The following POLE variants were observed in gnomAD, a reference collection of about 807,000 sequenced individuals.
POLE encodes DNA polymerase epsilon, catalytic subunit.
A neutral mutation model predicts 279.2 loss-of-function variants in POLE; 188 were observed. That is an observed-to-expected ratio of 0.67 (90% CI 0.60 to 0.76). POLE has a LOEUF of 0.76. POLE is among the 30% of genes least tolerant of loss of function. The pLI is 0.00. For synonymous variants in POLE, 1,214 were observed against 1,172.5 expected (o/e 1.04, Z -0.72); for missense variants, 2,703 against 3,016.7 (o/e 0.90, Z 2.44).
intron 40 of POLE, 132 bp downstream of exon 40, chr12:132,638,993 G>A: frequency 1.3e-6 from 1 of 788,412 alleles, no homozygotes; most frequent in Non-Finnish European, 2.1e-6. Context: ...CCTTTGGATT[G>A]TTATGCTCCA....
intron 29 of POLE, among the ~76,000 whole-genome samples, chr12:132,652,900 T>G (rs554371330): frequency 2.2e-4 from 33 of 152,340 alleles, no homozygotes; most frequent in African/African-American, 7.7e-4. Context: ...TTACCCTTTA[T>G]ATGAATTTTA....
rs5744742 is a variant in POLE at position 132,679,444 on chromosome 12, T to C, written c.578+53A>G. ...TGTTGCTACGTGTTCCTGTCTCCTA[T>C]CCATCTTGTCGTTCTGAACCGCTGA... On this transcript the variant is annotated intron_variant, in intron 6 of 48. Transcript: ENST00000320574. The C allele has an allele frequency of 5.5e-4, 857 of 1,548,844 alleles. 6 individuals are homozygous for C. The African/African-American group carries it at 9.0e-3, about 16-fold the overall frequency.
rs1262623373 is a variant in POLE at position 132,675,063 on chromosome 12, G to A, written c.1226+335C>T. On this transcript the variant is annotated intron_variant, in intron 12 of 48. Transcript: ENST00000320574. The surrounding 1 kb of genome is among the most constrained non-coding windows in gnomAD (Gnocchi z 4.3). ...CCCGTGAGGCTTGTCCTGTGAGGCAGCCGGGCTGCCACATCCCAACCTTGC... is the reference window on the plus strand; with the variant it reads ...CCCGTGAGGCTTGTCCTGTGAGGCAACCGGGCTGCCACATCCCAACCTTGC... 6.6e-6 allele frequency among the ~76,000 whole-genome samples: 1 copy of A among 152,216 alleles called. No individual in the cohort carries two copies. The highest frequency in any genetic ancestry group is 1.9e-4 in the East Asian group (1 of 5,192).
At chr12:132,637,372 A>G (rs2042054457) in intron 41 of POLE, among the ~76,000 whole-genome samples, 1 of 152,202 alleles carries the variant, frequency 6.6e-6, no homozygotes, top group Non-Finnish European at 1.5e-5. Flanking sequence ...CTGTGCTCAG[A>G]AAGGGCTGCA....
At chr12:132,670,234 G>C (rs1269919815) in intron 16 of POLE, among the ~76,000 whole-genome samples, 1 of 151,078 alleles carries the variant, frequency 6.6e-6, no homozygotes, top group East Asian at 2.0e-4. Flanking sequence ...AAATTACCCA[G>C]GCGTGGTGGC....
rs1060500822 is a variant in POLE at position 132,643,261 on chromosome 12, G to A, written c.4514C>T (p.Pro1505Leu). 2.5e-6 allele frequency: 4 copies of A among 1,613,768 alleles called. No individual in the cohort carries two copies. In the African/African-American group the frequency reaches 5.3e-5, roughly 22 times the overall value. ...AHKALFGIFI[P>L]SQRRASVFVL... Reference sequence around the variant, plus strand: ...AAAGACGGATGCCCTGCGCTGTGAGGGGATGAAGATCCCGAAGAGCGCTTT... The same window carrying A: ...AAAGACGGATGCCCTGCGCTGTGAGAGGATGAAGATCCCGAAGAGCGCTTT... Residue 1505 changes from proline (P) to leucine (L), a missense_variant, in exon 35 of 49, where the codon CCC becomes CTC. By Grantham distance (98) the Pro-to-Leu change is moderately conservative. Transcript: ENST00000320574.
At chr12:132,638,534 C>T (rs2042078283) in intron 40 of POLE, 1 of 168,110 alleles carries the variant, frequency 5.9e-6, no homozygotes, top group Admixed American at 5.7e-5. Context: ...ACTTTTATCC[C>T]AGCAGTTGGG....
At position 132,657,223 on chromosome 12, in the gene POLE, G is replaced by C. The variant is rs753667513; in HGVS notation, c.3495C>G (p.Asp1165Glu). The C allele has an allele frequency of 2.5e-6, 4 of 1,613,824 alleles. No homozygotes were observed. Among genetic ancestry groups the C allele is most frequent in the Non-Finnish European group, 3.4e-6 (4 of 1,179,970 alleles). Residue 1165 changes from aspartate (D) to glutamate (E), a missense_variant, in exon 29 of 49, where the codon GAC becomes GAG. By Grantham distance (45) the Asp-to-Glu change is conservative. Coordinates refer to ENST00000320574, the MANE Select transcript of POLE (RefSeq NM_006231.4). ...KNPVPRVKHP[D>E]WLHKKLLEKN... ...TCTCCAGCAGTTTTTTGTGCAGCCAGTCGGGGTGTTTGACACGTGGCACTG... is the reference window on the plus strand; with the variant it reads ...TCTCCAGCAGTTTTTTGTGCAGCCACTCGGGGTGTTTGACACGTGGCACTG...
At chr12:132,654,467 G>T (rs1023254719) in intron 29 of POLE, among the ~76,000 whole-genome samples, 1 of 152,042 alleles carries the variant, frequency 6.6e-6, no homozygotes, top group Non-Finnish European at 1.5e-5. Flanking sequence ...GATACTGTCC[G>T]TTCCATCTAT....
chr12:132,650,899 A>C, intron 29 of POLE: 1 of 112,054 alleles, frequency 8.9e-6, no homozygotes, highest in Non-Finnish European at 1.9e-5. Context: ...TTTTTGAGAC[A>C]GAATCTCACT....
chr12:132,630,674 G>A (rs541955747), intron 45 of POLE, among the ~76,000 whole-genome samples: 7 of 152,216 alleles, frequency 4.6e-5, no homozygotes, highest in Admixed American at 2.0e-4. Flanking sequence ...AGCTGAGATC[G>A]CGCCACTGCA....
At chr12:132,631,560 G>A (rs1593706030) in intron 45 of POLE, among the ~76,000 whole-genome samples, 1 of 152,192 alleles carries the variant, frequency 6.6e-6, no homozygotes, top group African/African-American at 2.4e-5. Context: ...TGTGTGAGAT[G>A]CAGTTTGCTG....
intron 45 of POLE, among the ~76,000 whole-genome samples, chr12:132,628,400 T>C (rs1287321606): frequency 1.3e-5 from 2 of 152,042 alleles, no homozygotes; most frequent in African/African-American, 4.8e-5. Context: ...CCCAGCACTT[T>C]GGGAGGCCAA....
chr12:132,664,379 TC>T lies in POLE; in HGVS notation c.2551del (p.Glu851SerfsTer7). ...NIITQARELI[E>X]QIGRPLELDT... is the part of the protein sequence containing the mutation. ...CCCCTTCTGCACTCACCCAATCTGCTCGATCAGCTCCCGTGCCTGGGTGATG... is the reference window on the plus strand; with the variant it reads ...CCCCTTCTGCACTCACCCAATCTGCTGATCAGCTCCCGTGCCTGGGTGATG... On this transcript the variant is annotated frameshift_variant, in exon 22 of 49. Transcript: ENST00000320574. LOFTEE classifies it high-confidence loss of function. This position sits in a 1 kb window ranked among gnomAD's most constrained non-coding sequence, Gnocchi z 5.3. The T allele has an allele frequency of 6.2e-7, 1 of 1,613,674 alleles. No homozygotes were observed.
At chr12:132,665,188 T>C in intron 21 of POLE, 114 bp downstream of exon 21, 1 of 1,050,708 alleles carries the variant, frequency 9.5e-7, no homozygotes, top group Non-Finnish European at 1.4e-6. Flanking sequence ...CCCTCCAACA[T>C]TCCTTGAATC....
intron 1 of POLE, among the ~76,000 whole-genome samples, chr12:132,686,779 G>A (rs1369795650): frequency 6.6e-6 from 1 of 152,098 alleles, no homozygotes; most frequent in Non-Finnish European, 1.5e-5. Flanking sequence ...CTGTAGCCCA[G>A]GCTGATCTAG....
chr12:132,661,738 G>A lies in POLE; in HGVS notation c.2707-54C>T. 1.3e-6 allele frequency: 2 copies of A among 1,582,024 alleles called. No homozygotes were observed. The highest frequency in any genetic ancestry group is 2.0e-4 in the Middle Eastern group (1 of 5,124). On this transcript the variant is annotated intron_variant, in intron 23 of 48. Coordinates refer to ENST00000320574, the MANE Select transcript of POLE (RefSeq NM_006231.4). The surrounding 1 kb of genome is among the most constrained non-coding windows in gnomAD (Gnocchi z 4.1). ...CTTCACTCATGATGGCCCAAACCTG[G>A]AAACCACCTGGTGTCCCTCCAGGAG...
intron 14 of POLE, 136 bp from the exon 15 acceptor site, chr12:132,672,975 C>A: frequency 1.2e-6 from 1 of 850,570 alleles, no homozygotes; most frequent in Non-Finnish European, 1.9e-6. Flanking sequence ...AATTCTGCCT[C>A]CTGTGGTTTC....
chr12:132,672,573 G>A, intron 15 of POLE, 54 bp downstream of exon 15: 1 of 1,556,882 alleles, frequency 6.4e-7, no homozygotes. Flanking sequence ...CAGCTTCTGG[G>A]TCCTACCACA....
Sources: gnomAD v4.1 joint callset for allele counts (sites outside exome capture counted in the v4.1 genomes callset) on GRCh38, gnomAD v4.1.1 for gene constraint, Gnocchi (gnomAD v3.1) non-coding constraint, MANE v1.5 for transcripts, NCBI Gene and HGNC (gene_info 2026-07-23, HGNC 2026-07-21) for gene names.